Variants in ACSM3 observed in about 807,000 individuals in gnomAD.
ACSM3 encodes the protein acyl-coenzyme A synthetase ACSM3, mitochondrial.
ACSM3 carries 61 observed loss-of-function variants against 74.1 expected under a neutral mutation model. That is an observed-to-expected ratio of 0.82 (90% CI 0.67 to 1.02). The LOEUF is 1.02. Ranked by LOEUF, ACSM3 falls within the 50% of genes least tolerant of loss-of-function variation. The pLI is 0.00. For missense variants in ACSM3, 660 were observed against 697.0 expected (o/e 0.95, Z 0.60); for synonymous variants, 213 against 241.5 (o/e 0.88, Z 1.09).
At position 20,786,143 on chromosome 16, in the gene ACSM3, T is replaced by C; in HGVS notation, c.1209T>C (p.Pro403=). ...CTGGCTCAATGGGAAAACCTTCTCC[T>C]GCTTTCGATGTTAAGGTTTGCACAT... The part of the protein sequence containing the change: ...IKPGSMGKPS[P]AFDVKIVDVN... Residue 403 remains proline (P), a synonymous_variant, in exon 9 of 14, where the codon CCT becomes CCC. Coordinates refer to ENST00000289416, the MANE Select transcript of ACSM3 (RefSeq NM_005622.4). 6.2e-7 allele frequency: 1 copy of C among 1,610,276 alleles called. No individual in the cohort carries two copies. The highest frequency in any genetic ancestry group is 8.5e-7 in the Non-Finnish European group (1 of 1,178,422).
rs561605227 is a variant in ACSM3 at position 20,790,476 on chromosome 16, T to A, written c.1225-111T>A. 9.2e-6 allele frequency: 10 copies of A among 1,092,516 alleles called. No individual in the cohort carries two copies. The Admixed American group carries it at 1.7e-4, about 19-fold the overall frequency. 67.7% of individuals were successfully genotyped at this position (1,092,516 alleles called of 1,614,324 possible). On this transcript the variant is annotated intron_variant, in intron 9 of 13. Coordinates refer to ENST00000289416, the MANE Select transcript of ACSM3 (RefSeq NM_005622.4). This position sits in a 1 kb window ranked among gnomAD's most constrained non-coding sequence, Gnocchi z 4.0. The stretch of plus-strand genomic sequence containing the variant: ...TGTCTCACACACACAAAATTTTTTT[T>A]AAGTCTTCATTTTTAAATGGCAAAA...
chr16:20,765,202 C>G (rs896033959), intron 1 of ACSM3, among the ~76,000 whole-genome samples: 32 of 152,052 alleles, frequency 2.1e-4, no homozygotes, highest in African/African-American at 7.5e-4. Context: ...TTCTGTGGCT[C>G]AGTATAAAAA....
intron 13 of ACSM3, 128 bp downstream of exon 13, chr16:20,796,617 T>C: frequency 6.5e-7 from 1 of 1,526,970 alleles, no homozygotes. Flanking sequence ...ACTGATGACA[T>C]ATGGGTAAGA....
chr16:20,777,264 T>G, intron 3 of ACSM3, 109 bp from the exon 4 acceptor site: 1 of 1,030,608 alleles, frequency 9.7e-7, no homozygotes. Flanking sequence ...CCTGGTAAAC[T>G]GACTAACTCA....
At chr16:20,703,404 G>T (rs1317962814) in intron 1 of ACSM3, 1 of 152,226 alleles carries the variant, frequency 6.6e-6, no homozygotes, top group African/African-American at 2.4e-5. Flanking sequence ...ACTTTGGGCA[G>T]TATGACCATT....
intron 2 of ACSM3, among the ~76,000 whole-genome samples, chr16:20,771,365 G>A (rs369421012): frequency 2.4e-4 from 34 of 143,994 alleles, no homozygotes; most frequent in African/African-American, 7.2e-4. Context: ...ACGCCAGGCC[G>A]AGCTCCTTTT....
chr16:20,795,169 A>T (rs987434400), intron 12 of ACSM3, among the ~76,000 whole-genome samples: 2 of 152,202 alleles, frequency 1.3e-5, no homozygotes, highest in Non-Finnish European at 2.9e-5. Flanking sequence ...CATGTAAATT[A>T]AAAATGTTCA....
intron 1 of ACSM3, chr16:20,703,696 A>C (rs1396659870): frequency 6.6e-6 from 1 of 152,172 alleles, no homozygotes; most frequent in African/African-American, 2.4e-5. Context: ...TAATTTTTGT[A>C]TTCTTAGTAG....
chr16:20,741,481 G>GGGGGGGGCC, intron 1 of ACSM3: 3 of 1,308,412 alleles, frequency 2.3e-6, no homozygotes, highest in Non-Finnish European at 3.0e-6. Flanking sequence ...CTGGCAGCCG[G>GGGGGGGGCC]CCCGCCCGCC....
At chr16:20,712,851 T>G (rs1035696789) in intron 1 of ACSM3, among the ~76,000 whole-genome samples, 6 of 151,642 alleles carry the variant, frequency 4.0e-5, no homozygotes, top group African/African-American at 9.7e-5. Flanking sequence ...CAGTGGAGGT[T>G]TCAGTGAGCT....
intron 1 of ACSM3, chr16:20,731,714 A>G (rs765585181): frequency 9.6e-5 from 38 of 394,422 alleles, no homozygotes; most frequent in Non-Finnish European, 1.5e-4. Context: ...AAAAAAATCA[A>G]CTGCACCTTA....
intron 1 of ACSM3, among the ~76,000 whole-genome samples, chr16:20,694,519 G>A (rs2079679515): frequency 6.6e-6 from 1 of 152,118 alleles, no homozygotes; most frequent in South Asian, 2.1e-4. Flanking sequence ...GCTTAGTTTG[G>A]GTGAGAATAT....
chr16:20,742,424 A>G (rs9926932), intron 1 of ACSM3, among the ~76,000 whole-genome samples: 2,841 of 152,118 alleles, frequency 0.019, 82 homozygotes, highest in African/African-American at 0.064. Flanking sequence ...TTGGGAGGCC[A>G]AGGCAGGCAG....
rs1596506198 is a variant in ACSM3, at chr16:20,764,061, T to C, written c.-116T>C. 6.6e-6 allele frequency: 1 copy of C among 152,250 alleles called. No homozygotes were observed. The highest frequency in any genetic ancestry group is 1.5e-5 in the Non-Finnish European group (1 of 68,068). 9.4% of individuals were successfully genotyped at this position (152,250 alleles called of 1,614,324 possible). On this transcript the variant is annotated 5_prime_UTR_variant, in exon 1 of 14. Coordinates refer to ENST00000289416, the MANE Select transcript of ACSM3 (RefSeq NM_005622.4). ...AAAAGCAGATGTGAGAACTCAAGGT[T>C]CAGGGCTGCTCTTCTAAGAAACAAG...
intron 1 of ACSM3, chr16:20,682,498 C>A: frequency 1.9e-6 from 3 of 1,569,798 alleles, no homozygotes; most frequent in Non-Finnish European, 2.6e-6. Flanking sequence ...GTTTTGGTTT[C>A]TTTTTCACAA....
At chr16:20,736,194 A>T (rs796094325) in intron 1 of ACSM3, 12 of 152,274 alleles carry the variant, frequency 7.9e-5, no homozygotes, top group African/African-American at 2.9e-4. Flanking sequence ...CTTTATTAAG[A>T]CAGAATTTCT....
chr16:20,760,029 T>C (rs1298449692), upstream of ACSM3, among the ~76,000 whole-genome samples: 7 of 152,122 alleles, frequency 4.6e-5, no homozygotes, highest in Non-Finnish European at 1.0e-4. Flanking sequence ...CAGACATGCC[T>C]CATTATACTC....
At chr16:20,687,859 G>A (rs994536335) in intron 1 of ACSM3, among the ~76,000 whole-genome samples, 5 of 152,062 alleles carry the variant, frequency 3.3e-5, no homozygotes, top group Admixed American at 6.6e-5. Context: ...CGAGGCTACC[G>A]GATCACTTGA....
chr16:20,788,280 A>G (rs908454373), intron 9 of ACSM3, among the ~76,000 whole-genome samples: 2 of 152,108 alleles, frequency 1.3e-5, no homozygotes, highest in Non-Finnish European at 2.9e-5. Context: ...TTGATATGTA[A>G]CACAGCTATG....
Sources: allele counts gnomAD v4.1 joint callset (sites outside exome capture counted in the v4.1 genomes callset), GRCh38; gene constraint gnomAD v4.1.1; non-coding constraint Gnocchi (gnomAD v3.1); transcripts MANE v1.5; gene names NCBI Gene and HGNC (gene_info 2026-07-23, HGNC 2026-07-21).